The following DOCK8 variants were observed in gnomAD, a reference collection of about 807,000 sequenced individuals.
DOCK8 encodes the protein dedicator of cytokinesis 8, also known as dedicator of cytokinesis protein 8.
A neutral mutation model predicts 245.6 loss-of-function variants in DOCK8; 141 were observed. The ratio of observed to expected loss-of-function variants is 0.57; its 90% CI spans 0.50 to 0.66. DOCK8 has a LOEUF of 0.66. Ranked by LOEUF, DOCK8 falls within the 30% of genes least tolerant of loss-of-function variation. DOCK8 has a pLI of 0.00. For synonymous variants in DOCK8, 1,168 were observed against 970.2 expected, an observed-to-expected ratio of 1.20 and a Z score of -3.79; for missense variants, 2,965 against 2,603.4, an observed-to-expected ratio of 1.14 and a Z score of -3.02.
intron 39 of DOCK8, 72 bp from the exon 40 acceptor site, chr9:439,173 A>G: frequency 1.2e-6 from 2 of 1,602,814 alleles, no homozygotes; most frequent in Non-Finnish European, 1.7e-6. Context: ...TCGTTTCCCC[A>G]TTCGGGGTTC....
At chr9:412,416 A>G (rs1204401991) in intron 28 of DOCK8, among the ~76,000 whole-genome samples, 4 of 151,590 alleles carry the variant, frequency 2.6e-5, no homozygotes, top group East Asian at 1.9e-4. Context: ...AAAAAAAAAA[A>G]AAAAAGAAAA....
rs7466003 is a variant in DOCK8 at position 403,992 on chromosome 9, G to C, written c.3235-926G>C. 1.8e-3 allele frequency among the ~76,000 whole-genome samples: 120 copies of C among 68,412 alleles called. 2 individuals carry two copies. The highest frequency in any genetic ancestry group is 5.1e-3 in the African/African-American group (63 of 12,282). 44.9% of individuals were successfully genotyped at this position (68,412 alleles called of 152,430 possible). ...TATATATATGTGTATATATATATATGTGTATATATATATATATATAGTTTA... is the reference window on the plus strand; with the variant it reads ...TATATATATGTGTATATATATATATCTGTATATATATATATATATAGTTTA... On this transcript the variant is annotated intron_variant, in intron 26 of 47. Transcript: ENST00000432829.
chr9:214,875 G>A lies in DOCK8; in HGVS notation c.-102G>A. ...TTTCCAGCGCCGACCGACAGACGAG[G>A]TTTGCGCTTGGCTGGGCATGTTCCG... On this transcript the variant is annotated 5_prime_UTR_variant, in exon 1 of 48. Transcript: ENST00000432829. 1 of 1,601,996 alleles carries A rather than the reference G, an allele frequency of 6.2e-7. No individual in the cohort carries two copies. Among genetic ancestry groups the A allele is most frequent in the South Asian group, 1.1e-5 (1 of 89,688 alleles).
At chr9:459,447 A>G (rs1413425000) in intron 46 of DOCK8, among the ~76,000 whole-genome samples, 2 of 152,226 alleles carry the variant, frequency 1.3e-5, no homozygotes, top group Admixed American at 6.5e-5. Context: ...CATCACATTT[A>G]TTAATTGCTG....
At chr9:246,083 T>C (rs115466950) in intron 1 of DOCK8, among the ~76,000 whole-genome samples, 4,509 of 151,830 alleles carry the variant, frequency 0.03, 198 homozygotes, top group African/African-American at 0.1. Flanking sequence ...TGGCCAGGCA[T>C]AGTGGCGTAC....
chr9:303,780 C>T (rs1239670390), intron 4 of DOCK8, among the ~76,000 whole-genome samples: 3 of 152,082 alleles, frequency 2.0e-5, no homozygotes, highest in African/African-American at 7.2e-5. Context: ...GCACATGTAT[C>T]CCTTGAACCT....
In DOCK8 at chr9:227,659, C is replaced by T. The variant is rs990186346; in HGVS notation, c.53+12630C>T. ...GATGAACATAAAATACAGAACATTT[C>T]TATTGGGCGGCTTGAAATACAGGCT... On this transcript the variant is annotated intron_variant, in intron 1 of 47. Coordinates refer to ENST00000432829, the MANE Select transcript of DOCK8 (RefSeq NM_203447.4). 4.6e-5 allele frequency among the ~76,000 whole-genome samples: 7 copies of T among 152,242 alleles called. 1 individual carries two copies.
intron 7 of DOCK8, among the ~76,000 whole-genome samples, chr9:323,304 A>G (rs1406410760): frequency 7.2e-6 from 1 of 139,090 alleles, no homozygotes; most frequent in East Asian, 2.1e-4. Context: ...GCTCACTGCA[A>G]CTTCTGCCTC....
chr9:246,230 T>A (rs1251942328), intron 1 of DOCK8, among the ~76,000 whole-genome samples: 3 of 150,076 alleles, frequency 2.0e-5, no homozygotes, highest in East Asian at 2.0e-4. Flanking sequence ...AAAAAAAAAA[T>A]GGGCATCTGG....
intron 9 of DOCK8, 36 bp from the exon 10 acceptor site, chr9:332,362 T>G (rs767664388): frequency 7.0e-7 from 1 of 1,431,264 alleles, no homozygotes; most frequent in Non-Finnish European, 9.9e-7. Context: ...TGGATGTAAT[T>G]TATGTGCCTT....
In DOCK8 at chr9:440,902, T is replaced by G. The variant is rs577982787; in HGVS notation, c.5224-384T>G. 2.0e-5 allele frequency among the ~76,000 whole-genome samples: 3 copies of G among 152,078 alleles called. No homozygotes were observed. In the South Asian group the frequency reaches 6.2e-4, roughly 32 times the overall value. On this transcript the variant is annotated intron_variant, in intron 40 of 47. Coordinates refer to ENST00000432829, the MANE Select transcript of DOCK8 (RefSeq NM_203447.4). ...GAGCATGCTACCACACCTGGCTGAT[T>G]TTTTAATTTTTTTGCAGAGATGGGG... is the stretch of plus-strand genomic sequence containing the variant.
chr9:394,469 C>T (rs1419989161), intron 24 of DOCK8, among the ~76,000 whole-genome samples: 3 of 152,220 alleles, frequency 2.0e-5, no homozygotes, highest in African/African-American at 4.8e-5. Flanking sequence ...AAGACAACAG[C>T]TTCCTTGGCC....
In DOCK8 at chr9:332,469, T is replaced by C. The variant is rs1293145112; in HGVS notation, c.1116T>C (p.Asp372=). The change falls in exon 10 of 48, where the codon GAT becomes GAC. Residue 372 remains aspartate, a synonymous_variant. Transcript: ENST00000432829. ...CCTACACGGTTATCAAAGAAAGTGA[T>C]GGTGGAAAGGTATGGTAATTTGAGT... The part of the protein sequence containing the change: ...AEPYTVIKES[D]GGKSKEKIEK... 2 of 1,610,906 alleles carry C rather than the reference T, an allele frequency of 1.2e-6. No homozygotes were observed. The highest frequency in any genetic ancestry group is 1.3e-5 in the African/African-American group (1 of 74,936).
chr9:299,453 C>T (rs1022199629), intron 4 of DOCK8, among the ~76,000 whole-genome samples: 2 of 151,944 alleles, frequency 1.3e-5, no homozygotes, highest in Non-Finnish European at 2.9e-5. Flanking sequence ...TGTAGAGATG[C>T]GGTTTCACCA....
chr9:376,185 TC>T (rs2053507970), intron 18 of DOCK8, 24 bp from the exon 19 acceptor site: 1 of 1,506,416 alleles, frequency 6.6e-7, no homozygotes, highest in African/African-American at 1.4e-5. Context: ...GGATTGCTAA[TC>T]TTTTTTTTTT....
intron 28 of DOCK8, 41 bp from the exon 29 acceptor site, chr9:414,741 C>T: frequency 6.2e-7 from 1 of 1,613,704 alleles, no homozygotes. Context: ...TAGTCAATTT[C>T]CTTTCACCAT....
chr9:322,484 C>T (rs1218986638), intron 7 of DOCK8, among the ~76,000 whole-genome samples: 1 of 152,094 alleles, frequency 6.6e-6, no homozygotes, highest in Non-Finnish European at 1.5e-5. Context: ...GTGCCAGTCC[C>T]TAACTGTGTA....
chr9:285,328 G>A (rs1351734487), intron 2 of DOCK8, among the ~76,000 whole-genome samples: 2 of 152,164 alleles, frequency 1.3e-5, no homozygotes, highest in African/African-American at 4.8e-5. Flanking sequence ...TGATTTCAAA[G>A]CGATGAAAAA....
intron 46 of DOCK8, among the ~76,000 whole-genome samples, chr9:459,024 T>C (rs7853027): frequency 0.64 from 97,458 of 152,072 alleles, 33,967 homozygotes; most frequent in East Asian, 0.95. Context: ...CCCAGGCATA[T>C]TTGTTCTAAG....
Sources: allele counts gnomAD v4.1 joint callset (sites outside exome capture counted in the v4.1 genomes callset), GRCh38; gene constraint gnomAD v4.1.1; transcripts MANE v1.5; gene names NCBI Gene and HGNC (gene_info 2026-07-23, HGNC 2026-07-21).